Variants in ANKRD62 observed in about 807,000 individuals in gnomAD.
ANKRD62 encodes the protein ankyrin repeat domain 62, also known as ankyrin repeat domain-containing protein 62.
In ANKRD62, 61 loss-of-function variants were observed where a neutral mutation model predicts 98.8. The observed-to-expected ratio is 0.62, with a 90% CI of 0.50 to 0.76. ANKRD62 has a LOEUF of 0.76. Among genes scored for constraint, ANKRD62 ranks in the 30% least tolerant of loss-of-function variants. ANKRD62 has a pLI of 0.00. For missense variants in ANKRD62, 933 were observed against 1,082.9 expected (o/e 0.86, Z 1.94); for synonymous variants, 341 against 367.9 (o/e 0.93, Z 0.84).
At chr18:12,155,865 G>A in the ANKRD62 span, among the ~76,000 whole-genome samples, 1 of 152,098 alleles carries the variant, frequency 6.6e-6, no homozygotes, top group Non-Finnish European at 1.5e-5. Context: ...TAGAAAGGGG[G>A]AAATAGTGGG....
chr18:12,141,081 C>T, the ANKRD62 span, among the ~76,000 whole-genome samples: 9 of 152,216 alleles, frequency 5.9e-5, no homozygotes, highest in Non-Finnish European at 1.0e-4. Context: ...GCCTCGCTGC[C>T]GCCTTGCAGT....
intron 10 of ANKRD62, among the ~76,000 whole-genome samples, chr18:12,121,159 C>T (rs994388347): frequency 5.9e-5 from 9 of 152,166 alleles, no homozygotes. Flanking sequence ...TACATTTCTG[C>T]AAGTGTGGTT....
At chr18:12,146,491 G>A in the ANKRD62 span, among the ~76,000 whole-genome samples, 1 of 152,180 alleles carries the variant, frequency 6.6e-6, no homozygotes, top group Admixed American at 6.5e-5. Context: ...TGTTTCCCAG[G>A]CTGGAGTGCA....
At chr18:12,116,119 A>T (rs1284260108) in intron 10 of ANKRD62, among the ~76,000 whole-genome samples, 1 of 152,182 alleles carries the variant, frequency 6.6e-6, no homozygotes, top group Non-Finnish European at 1.5e-5. Flanking sequence ...GTTAAAGTGC[A>T]CATATGTAAA....
the ANKRD62 span, among the ~76,000 whole-genome samples, chr18:12,176,145 CTG>C: frequency 6.6e-6 from 1 of 151,864 alleles, no homozygotes; most frequent in South Asian, 2.1e-4. Context: ...TGAGCTGAGA[CTG>C]TGCTACTGCA....
At chr18:12,170,412 T>A in the ANKRD62 span, among the ~76,000 whole-genome samples, 1 of 152,224 alleles carries the variant, frequency 6.6e-6, no homozygotes, top group Non-Finnish European at 1.5e-5. Context: ...AGAAGCAGGT[T>A]GTTCAGTTTC....
chr18:12,162,711 C>A, the ANKRD62 span, among the ~76,000 whole-genome samples: 3 of 151,980 alleles, frequency 2.0e-5, no homozygotes, highest in African/African-American at 7.2e-5. Context: ...AGACAGGGGT[C>A]TAGTTTCATG....
intron 4 of ANKRD62, 45 bp downstream of exon 4, chr18:12,096,347 T>G: frequency 9.0e-7 from 1 of 1,111,382 alleles, no homozygotes; most frequent in Non-Finnish European, 1.3e-6. Context: ...TGAGTGGTGT[T>G]CTAGAGTGGT....
At chr18:12,136,575 G>A in the ANKRD62 span, among the ~76,000 whole-genome samples, 4 of 152,192 alleles carry the variant, frequency 2.6e-5, no homozygotes, top group South Asian at 8.3e-4. Flanking sequence ...TTCCAATTCT[G>A]TGAAGAAAGT....
rs775333681 is a variant in ANKRD62 at position 12,115,448 on chromosome 18, A to T, written c.1154A>T (p.Glu385Val). The T allele has an allele frequency of 1.3e-6, 2 of 1,537,238 alleles. No homozygotes were observed. Among genetic ancestry groups the T allele is most frequent in the South Asian group, 2.4e-5 (2 of 83,992 alleles). Reference sequence around the variant, plus strand: ...CTTAATGACATAAGTGGGTCATCTGAAAAAACCTCAGAGGATGATGAGTTG... The same window carrying T: ...CTTAATGACATAAGTGGGTCATCTGTAAAAACCTCAGAGGATGATGAGTTG... ...DDLNDISGSS[E>V]KTSEDDELPY... Residue 385 changes from glutamate (E) to valine (V), a missense_variant, in exon 10 of 14, where the codon GAA (glutamate) becomes GTA (valine). This residue lies in a region of ANKRD62 where 549 missense variants were observed against 587.9 expected (regional missense o/e 0.93). Coordinates refer to ENST00000587848, the MANE Select transcript of ANKRD62 (RefSeq NM_001277333.2).
In ANKRD62 at chr18:12,115,521, A is replaced by AATGGAGTG; in HGVS notation, c.1228_1235dup (p.Cys412Ter). ...TTATGTTACTCATTGAACAAAGTGG[A>AATGGAGTG]ATGGAGTGTAAAGGTAGGACCAATG... On this transcript the variant is annotated frameshift_variant, in exon 10 of 14. Coordinates refer to ENST00000587848, the MANE Select transcript of ANKRD62 (RefSeq NM_001277333.2). LOFTEE classifies it high-confidence loss of function. The AATGGAGTG allele has an allele frequency of 6.5e-7, 1 of 1,536,530 alleles. No homozygotes were observed. Among genetic ancestry groups the AATGGAGTG allele is most frequent in the Non-Finnish European group, 8.7e-7 (1 of 1,145,800 alleles).
chr18:12,095,742 A>G, intron 3 of ANKRD62, 132 bp downstream of exon 3: 1 of 854,268 alleles, frequency 1.2e-6, no homozygotes, highest in Non-Finnish European at 1.7e-6. Context: ...TTTACATACA[A>G]CTATTTAAAA....
the ANKRD62 span, among the ~76,000 whole-genome samples, chr18:12,158,026 C>A: frequency 6.6e-6 from 1 of 152,204 alleles, no homozygotes; most frequent in Non-Finnish European, 1.5e-5. Context: ...TGTTGGCTCC[C>A]CCTTCCAGCG....
At chr18:12,177,813 G>A in the ANKRD62 span, among the ~76,000 whole-genome samples, 173 of 94,652 alleles carry the variant, frequency 1.8e-3, 2 homozygotes, top group African/African-American at 7.1e-3. Context: ...TCATTGCACT[G>A]TGAGACAGAG....
the ANKRD62 span, among the ~76,000 whole-genome samples, chr18:12,161,014 T>G: frequency 6.6e-6 from 1 of 152,166 alleles, no homozygotes; most frequent in African/African-American, 2.4e-5. Flanking sequence ...AAGTTTTTAC[T>G]TAAGTGATTC....
rs1410876675 is a variant in ANKRD62, at chr18:12,095,185, TG to T, written c.235del (p.Ala79ArgfsTer10). The T allele has an allele frequency of 6.5e-7, 1 of 1,536,576 alleles. No individual in the cohort carries two copies. On this transcript the variant is annotated frameshift_variant, in exon 2 of 14. Transcript: ENST00000587848. LOFTEE classifies it high-confidence loss of function. ...RDKKNRTALL[L>X]ACAHGRPGVV... is the part of the protein sequence containing the mutation. ...CATTCTCACAGGACTGCTCTACTTT[TG>T]GCGTGTGCCCATGGCCGTCCAGGAG...
At chr18:12,140,232 C>G in the ANKRD62 span, among the ~76,000 whole-genome samples, 1 of 152,114 alleles carries the variant, frequency 6.6e-6, no homozygotes, top group Non-Finnish European at 1.5e-5. Flanking sequence ...ATTGGTTATT[C>G]TAGTTATCCA....
At chr18:12,145,669 C>T in the ANKRD62 span, among the ~76,000 whole-genome samples, 16 of 152,302 alleles carry the variant, frequency 1.1e-4, no homozygotes, top group Non-Finnish European at 1.9e-4. Flanking sequence ...ACAGATTTGA[C>T]TCCTCCCTAG....
At chr18:12,100,090 T>G (rs932158196) in intron 6 of ANKRD62, among the ~76,000 whole-genome samples, 7 of 152,142 alleles carry the variant, frequency 4.6e-5, no homozygotes, top group African/African-American at 1.4e-4. Context: ...CCTTGAGTAG[T>G]GTGGGATTTA....
Sources: gnomAD v4.1 joint callset for allele counts (sites outside exome capture counted in the v4.1 genomes callset) on GRCh38, gnomAD v4.1.1 for gene constraint, gnomAD v4.1.1 regional missense constraint, MANE v1.5 for transcripts, NCBI Gene and HGNC (gene_info 2026-07-23, HGNC 2026-07-21) for gene names.